ROBO1: variants seen among roughly 807,000 people sequenced by gnomAD.
ROBO1 encodes the protein roundabout guidance receptor 1.
In ROBO1, 149 loss-of-function variants were observed where a neutral mutation model predicts 195.9. The ratio of observed to expected loss-of-function variants is 0.76; its 90% CI spans 0.67 to 0.87. The LOEUF is 0.87. Ranked by LOEUF, ROBO1 falls within the 40% of genes least tolerant of loss-of-function variation. ROBO1 has a pLI of 0.00. For missense variants in ROBO1, 1,933 were observed against 2,068.3 expected (o/e 0.93, Z 1.27); for synonymous variants, 816 against 733.2 (o/e 1.11, Z -1.82).
intron 2 of ROBO1, among the ~76,000 whole-genome samples, chr3:79,155,848 C>T: frequency 1.3e-5 from 2 of 151,830 alleles, no homozygotes; most frequent in South Asian, 4.1e-4. Flanking sequence ...ACTTTAAAGC[C>T]ATGAATAAAG....
At position 78,810,318 on chromosome 3, in the gene ROBO1, T is replaced by G. The variant is rs528170197; in HGVS notation, c.500-63418A>C. 2.6e-5 allele frequency among the ~76,000 whole-genome samples: 4 copies of G among 152,276 alleles called. No individual in the cohort carries two copies. In the South Asian group the frequency reaches 8.3e-4, roughly 32 times the overall value. ...TCCAACAACTGCAGCATTCATTTCT[T>G]TTTTTACACAGGGAGAAAGAGAAAG... On this transcript the variant is annotated intron_variant, in intron 4 of 30. Coordinates refer to ENST00000464233, the MANE Select transcript of ROBO1 (RefSeq NM_002941.4).
intron 4 of ROBO1, among the ~76,000 whole-genome samples, chr3:78,861,894 G>C (rs1028659369): frequency 6.6e-6 from 1 of 152,204 alleles, no homozygotes; most frequent in African/African-American, 2.4e-5. Context: ...AGGGAACAGG[G>C]AAAGGCTGCC....
intron 3 of ROBO1, among the ~76,000 whole-genome samples, chr3:79,099,813 A>G (rs1299759505): frequency 6.6e-6 from 1 of 151,738 alleles, no homozygotes; most frequent in Admixed American, 6.6e-5. Flanking sequence ...CTGTAACTCA[A>G]TTACCACCCT....
chr3:79,221,860 G>T (rs2082144889), intron 2 of ROBO1, among the ~76,000 whole-genome samples: 1 of 151,948 alleles, frequency 6.6e-6, no homozygotes, highest in South Asian at 2.1e-4. Context: ...GAAATAATAT[G>T]GTTATCTCTC....
chr3:78,625,287 A>C (rs1704695106), intron 26 of ROBO1, among the ~76,000 whole-genome samples: 1 of 152,234 alleles, frequency 6.6e-6, no homozygotes, highest in African/African-American at 2.4e-5. Flanking sequence ...CTAGGAAAAA[A>C]CTAAATAGGA....
intron 4 of ROBO1, among the ~76,000 whole-genome samples, chr3:78,754,425 A>T (rs1259046528): frequency 6.6e-6 from 1 of 152,208 alleles, no homozygotes; most frequent in African/African-American, 2.4e-5. Flanking sequence ...TTTCTTTTGT[A>T]AAATCCAACT....
At chr3:78,735,915 C>A (rs927771391) in intron 5 of ROBO1, among the ~76,000 whole-genome samples, 1 of 152,074 alleles carries the variant, frequency 6.6e-6, no homozygotes, top group African/African-American at 2.4e-5. Flanking sequence ...CGTAAACCAA[C>A]GGGCTTGGCA....
intron 4 of ROBO1, among the ~76,000 whole-genome samples, chr3:78,770,399 T>C (rs1047837376): frequency 6.6e-6 from 1 of 152,224 alleles, no homozygotes; most frequent in Non-Finnish European, 1.5e-5. Context: ...ATTTTTCATA[T>C]GTTTGTTGGC....
intron 3 of ROBO1, among the ~76,000 whole-genome samples, chr3:78,955,681 T>TTA (rs2041013709): frequency 6.6e-6 from 1 of 152,200 alleles, no homozygotes; most frequent in African/African-American, 2.4e-5. Flanking sequence ...CATACTTGTG[T>TTA]TATACTTCAA....
At chr3:79,060,939 C>G (rs542936955) in intron 3 of ROBO1, among the ~76,000 whole-genome samples, 13 of 152,114 alleles carry the variant, frequency 8.5e-5, no homozygotes, top group Non-Finnish European at 1.5e-4. Flanking sequence ...AAAACTGGCA[C>G]AAGGCAAGGA....
At chr3:79,572,150 CAATAAT>C (rs1015232127) in intron 2 of ROBO1, among the ~76,000 whole-genome samples, 1 of 151,376 alleles carries the variant, frequency 6.6e-6, no homozygotes, top group Non-Finnish European at 1.5e-5. Flanking sequence ...ACTTAAAGTA[CAATAAT>C]AATAATAAAA....
chr3:78,913,192 A>G (rs1325610656), intron 4 of ROBO1, among the ~76,000 whole-genome samples: 1 of 152,156 alleles, frequency 6.6e-6, no homozygotes, highest in East Asian at 1.9e-4. Flanking sequence ...ATCATATTCA[A>G]ATGAATTTAT....
At chr3:78,863,956 T>C (rs1387270887) in intron 4 of ROBO1, among the ~76,000 whole-genome samples, 1 of 152,226 alleles carries the variant, frequency 6.6e-6, no homozygotes, top group Non-Finnish European at 1.5e-5. Flanking sequence ...TTAAAATTTA[T>C]TGTTACAGCA....
intron 2 of ROBO1, among the ~76,000 whole-genome samples, chr3:79,451,549 C>T (rs2039442581): frequency 1.3e-5 from 2 of 152,086 alleles, no homozygotes; most frequent in African/African-American, 4.8e-5. Flanking sequence ...TGCTTTAAAT[C>T]TAGCTATTTT....
chr3:78,872,471 T>C (rs1174626520), intron 4 of ROBO1, among the ~76,000 whole-genome samples: 1 of 152,226 alleles, frequency 6.6e-6, no homozygotes, highest in Non-Finnish European at 1.5e-5. Context: ...CCTAACGGAC[T>C]GGGAAAGAAC....
At chr3:78,939,225 T>C (rs973523201) in intron 3 of ROBO1, among the ~76,000 whole-genome samples, 1 of 152,148 alleles carries the variant, frequency 6.6e-6, no homozygotes, top group Non-Finnish European at 1.5e-5. Context: ...GTTTATACCA[T>C]GCATGTGTCC....
chr3:79,002,006 G>A (rs535959238), intron 3 of ROBO1, among the ~76,000 whole-genome samples: 21 of 152,220 alleles, frequency 1.4e-4, no homozygotes, highest in African/African-American at 4.8e-4. Flanking sequence ...CTCCCACTAT[G>A]TGCTAGGTGG....
chr3:79,426,177 A>G (rs1224584056), intron 2 of ROBO1, among the ~76,000 whole-genome samples: 1 of 152,160 alleles, frequency 6.6e-6, no homozygotes, highest in East Asian at 1.9e-4. Context: ...ATAAAATATC[A>G]TTGCATCAAC....
intron 28 of ROBO1, chr3:78,607,299 ACCT>A: frequency 5.1e-6 from 2 of 393,636 alleles, no homozygotes. Context: ...TGCAGCCTTG[ACCT>A]CCTGGGTGCG....
Sources: gnomAD v4.1 joint callset for allele counts (sites outside exome capture counted in the v4.1 genomes callset) on GRCh38, gnomAD v4.1.1 for gene constraint, MANE v1.5 for transcripts, NCBI Gene and HGNC (gene_info 2026-07-23, HGNC 2026-07-21) for gene names.